Variants in CELF2 observed in about 807,000 individuals in gnomAD.
The protein encoded by CELF2 is CUG triplet repeat RNA-binding protein 2.
CELF2 carries 8 observed loss-of-function variants against 62.6 expected under a neutral mutation model. The observed-to-expected ratio is 0.13, with a 90% CI of 0.07 to 0.23. The LOEUF is 0.23. CELF2 is among the 10% of genes least tolerant of loss of function. The pLI, the probability that CELF2 is intolerant of heterozygous loss-of-function variation, is 1.00. For synonymous variants in CELF2, 258 were observed against 250.0 expected (o/e 1.03, Z -0.30); for missense variants, 333 against 671.0 (o/e 0.50, Z 5.56).
chr10:10,844,778 CA>C, intron 1 of CELF2, among the ~76,000 whole-genome samples: 1 of 152,120 alleles, frequency 6.6e-6, no homozygotes, highest in South Asian at 2.1e-4. Context: ...AGAAACCTGG[CA>C]AAAAGATTGA....
chr10:11,042,667 C>T (rs1291868), intron 1 of CELF2, among the ~76,000 whole-genome samples: 21,752 of 152,138 alleles, frequency 0.14, 2,934 homozygotes, highest in African/African-American at 0.36. Flanking sequence ...AAAGAAACCC[C>T]GTACCCTTTA....
At chr10:10,527,735 A>G in the CELF2 span, among the ~76,000 whole-genome samples, 1 of 152,226 alleles carries the variant, frequency 6.6e-6, no homozygotes, top group South Asian at 2.1e-4. Context: ...TTTATGCGGA[A>G]GAAAATACTG....
rs545631291 is a variant in CELF2 at position 11,207,195 on chromosome 10, G to T, written c.272-10230G>T. 3.9e-5 allele frequency among the ~76,000 whole-genome samples: 6 copies of T among 152,350 alleles called. No individual in the cohort carries two copies. In the East Asian group the frequency reaches 1.2e-3, roughly 29 times the overall value. The stretch of plus-strand genomic sequence containing the variant: ...GTATACACATAGCTGTGCATATTAG[G>T]CTGCACTTGCTTTCCCAAGAGGCTT... On this transcript the variant is annotated intron_variant, in intron 2 of 12. Coordinates refer to ENST00000633077, the MANE Select transcript of CELF2 (RefSeq NM_001326342.2). This position sits in a 1 kb window ranked among gnomAD's most constrained non-coding sequence, Gnocchi z 4.1.
chr10:11,125,485 A>G (rs78888427), intron 1 of CELF2, among the ~76,000 whole-genome samples: 2,452 of 152,120 alleles, frequency 0.016, 63 homozygotes, highest in African/African-American at 0.056. Context: ...CCAGTGGCTC[A>G]GAGAGGAGAG....
rs559609254 is a variant in CELF2, at chr10:11,127,683, A to G, written c.75-37803A>G. On this transcript the variant is annotated intron_variant, in intron 1 of 12. Coordinates refer to ENST00000633077, the MANE Select transcript of CELF2 (RefSeq NM_001326342.2). The stretch of plus-strand genomic sequence containing the variant: ...TTTTTCATGTGTCTTTTGGCTGCAT[A>G]CATGTCTTCTTTTGAGAATTGTCTG... Among the ~76,000 whole-genome samples the G allele has an allele frequency of 7.5e-3, 1,144 of 152,232 alleles. 13 individuals are homozygous for G. Among genetic ancestry groups the G allele is most frequent in the African/African-American group, 0.026 (1,084 of 41,536 alleles).
intron 8 of CELF2, among the ~76,000 whole-genome samples, chr10:11,286,874 A>G (rs527500951): frequency 7.6e-4 from 116 of 152,332 alleles, no homozygotes; most frequent in African/African-American, 2.7e-3. Flanking sequence ...ACCTAAGCCA[A>G]AAGGTCTGGA....
Position 11,207,418 on chromosome 10 carries a change from G to A in CELF2, c.272-10007G>A, listed in dbSNP as rs143192423. On this transcript the variant is annotated intron_variant, in intron 2 of 12. Coordinates refer to ENST00000633077, the MANE Select transcript of CELF2 (RefSeq NM_001326342.2). This position sits in a 1 kb window ranked among gnomAD's most constrained non-coding sequence, Gnocchi z 4.1. Reference sequence around the variant, plus strand: ...CAGTTGACAGAAAGTTGGTCCTAGCGTGTCAAATGGAGAGTTGGAGGGAAG... The same window carrying A: ...CAGTTGACAGAAAGTTGGTCCTAGCATGTCAAATGGAGAGTTGGAGGGAAG... Among the ~76,000 whole-genome samples the A allele has an allele frequency of 2.0e-4, 31 of 152,298 alleles. No homozygotes were observed. Among genetic ancestry groups the A allele is most frequent in the Middle Eastern group, 3.4e-3 (1 of 294 alleles).
At chr10:10,486,825 A>C in the CELF2 span, among the ~76,000 whole-genome samples, 1 of 152,170 alleles carries the variant, frequency 6.6e-6, no homozygotes, top group Non-Finnish European at 1.5e-5. Flanking sequence ...AGCCATTGAC[A>C]TGTGTTAAAA....
chr10:11,270,707 G>C lies in CELF2; in HGVS notation c.660G>C (p.Gln220His). 1.3e-6 allele frequency: 2 copies of C among 1,554,636 alleles called. No individual in the cohort carries two copies. The highest frequency in any genetic ancestry group is 2.4e-5 in the South Asian group (2 of 83,872). The change falls in exon 7 of 13, where the codon CAG (glutamine) becomes CAC (histidine). Residue 220 changes from glutamine (Q) to histidine (H), a missense_variant. Physicochemically the swap from Gln to His is conservative, Grantham distance 24. Coordinates refer to ENST00000633077, the MANE Select transcript of CELF2 (RefSeq NM_001326342.2). This position sits in a 1 kb window ranked among gnomAD's most constrained non-coding sequence, Gnocchi z 5.8. Reference protein sequence around the residue: ...SPIVVKFADTQKDKEQRRLQQ... With the variant: ...SPIVVKFADTHKDKEQRRLQQ... Reference sequence around the variant, plus strand: ...TCGTGGTGAAGTTTGCTGACACTCAGAAGGACAAAGAGCAAAGGCGCCTCC... The same window carrying C: ...TCGTGGTGAAGTTTGCTGACACTCACAAGGACAAAGAGCAAAGGCGCCTCC...
the CELF2 span, among the ~76,000 whole-genome samples, chr10:10,781,153 C>T: frequency 9.2e-5 from 14 of 152,220 alleles, no homozygotes; most frequent in South Asian, 8.3e-4. Flanking sequence ...TACATACAGT[C>T]TTGCACCACA....
At chr10:10,676,437 G>A in the CELF2 span, among the ~76,000 whole-genome samples, 2 of 152,192 alleles carry the variant, frequency 1.3e-5, no homozygotes, top group African/African-American at 4.8e-5. Flanking sequence ...TAAAAGAACA[G>A]AGTGATCTGG....
intron 2 of CELF2, among the ~76,000 whole-genome samples, chr10:10,987,309 GT>G (rs1309091784): frequency 1.3e-5 from 2 of 150,550 alleles, no homozygotes; most frequent in African/African-American, 2.5e-5. Flanking sequence ...ATTCGGAACA[GT>G]TTTTTTCCTA....
At chr10:10,566,402 ATT>A in the CELF2 span, among the ~76,000 whole-genome samples, 27,521 of 142,410 alleles carry the variant, frequency 0.19, 2,790 homozygotes, top group Non-Finnish European at 0.23. Flanking sequence ...GCACTTAGGG[ATT>A]TTTTTTTTTT....
intron 2 of CELF2, among the ~76,000 whole-genome samples, chr10:10,966,075 C>T (rs1176758257): frequency 6.6e-6 from 1 of 152,228 alleles, no homozygotes; most frequent in African/African-American, 2.4e-5. Context: ...CCAGCACCAC[C>T]CACTAAAGTG....
chr10:11,275,311 C>T (rs1425759250), intron 8 of CELF2, among the ~76,000 whole-genome samples, 191 bp downstream of exon 8: 1 of 152,152 alleles, frequency 6.6e-6, no homozygotes, highest in East Asian at 1.9e-4. Flanking sequence ...GGTTACCTAC[C>T]CACCTTCGCT....
chr10:10,688,125 A>T, the CELF2 span, among the ~76,000 whole-genome samples: 1 of 152,192 alleles, frequency 6.6e-6, no homozygotes, highest in Non-Finnish European at 1.5e-5. Context: ...TGGAGTTTTT[A>T]TTCTTGGATT....
chr10:10,848,627 G>A (rs1244782563), intron 1 of CELF2, among the ~76,000 whole-genome samples: 1 of 152,184 alleles, frequency 6.6e-6, no homozygotes, highest in Non-Finnish European at 1.5e-5. Flanking sequence ...GTGGAGTTCT[G>A]CTGATATCTT....
chr10:11,284,924 T>C (rs886355583), intron 8 of CELF2, among the ~76,000 whole-genome samples: 1 of 148,124 alleles, frequency 6.8e-6, no homozygotes, highest in Non-Finnish European at 1.5e-5. Flanking sequence ...GGTGGTTAGA[T>C]GATGGATAGA....
At chr10:11,028,353 T>C (rs2059567812) in intron 1 of CELF2, among the ~76,000 whole-genome samples, 1 of 152,098 alleles carries the variant, frequency 6.6e-6, no homozygotes, top group East Asian at 1.9e-4. Flanking sequence ...GGTTCTGACA[T>C]AATGGGAATC....
Sources: gnomAD v4.1 joint callset for allele counts (sites outside exome capture counted in the v4.1 genomes callset) on GRCh38, gnomAD v4.1.1 for gene constraint, Gnocchi (gnomAD v3.1) non-coding constraint, MANE v1.5 for transcripts, NCBI Gene and HGNC (gene_info 2026-07-23, HGNC 2026-07-21) for gene names.